Variants in SYT14 observed in about 807,000 individuals in gnomAD.
SYT14 encodes synaptotagmin 14, also known as synaptotagmin-14.
In SYT14, 32 loss-of-function variants were observed where a neutral mutation model predicts 74.2. The ratio of observed to expected loss-of-function variants is 0.43; its 90% CI spans 0.33 to 0.58. The LOEUF is 0.58. Ranked by LOEUF, SYT14 falls within the 20% of genes least tolerant of loss-of-function variation. The probability of loss-of-function intolerance (pLI) is 0.05; values close to 1 mark genes in which losing one functional copy is unlikely to be tolerated. For synonymous variants in SYT14, 298 were observed against 337.7 expected (o/e 0.88, Z 1.29); for missense variants, 791 against 981.8 (o/e 0.81, Z 2.60).
intron 8 of SYT14, chr1:210,156,763 G>C (rs1007303249): frequency 6.4e-6 from 1 of 157,460 alleles, no homozygotes; most frequent in African/African-American, 2.8e-5. Context: ...GCATGATCTC[G>C]GCTCACTGAA....
chr1:210,018,343 C>T (rs567968589), intron 4 of SYT14, among the ~76,000 whole-genome samples: 4 of 152,038 alleles, frequency 2.6e-5, no homozygotes, highest in East Asian at 2.0e-4. Context: ...CATGTTGGCC[C>T]GGGATGGTCT....
chr1:209,987,859 A>G (rs7514257), intron 2 of SYT14, among the ~76,000 whole-genome samples: 52,072 of 151,964 alleles, frequency 0.34, 9,892 homozygotes, highest in Non-Finnish European at 0.42. Context: ...TCTTTTGTAG[A>G]TAATGTGTAA....
At chr1:210,029,979 T>A (rs887391848) in intron 5 of SYT14, among the ~76,000 whole-genome samples, 5 of 152,206 alleles carry the variant, frequency 3.3e-5, no homozygotes, top group African/African-American at 1.2e-4. Flanking sequence ...AGTTTGTTCC[T>A]AAGTATTTTA....
At chr1:210,069,327 CTAAA>C (rs2081352668) in intron 5 of SYT14, among the ~76,000 whole-genome samples, 1 of 151,858 alleles carries the variant, frequency 6.6e-6, no homozygotes. Flanking sequence ...TGTATCTTTC[CTAAA>C]TATTCTTTCT....
chr1:209,977,826 A>G (rs2079397223), intron 2 of SYT14, among the ~76,000 whole-genome samples: 1 of 152,148 alleles, frequency 6.6e-6, no homozygotes, highest in African/African-American at 2.4e-5. Context: ...CATTCTCCCC[A>G]TCACTTTCAG....
rs2083493808 is a variant in SYT14 at position 210,169,228 on chromosome 1, T to TG, written c.*8186_*8187insG. On this transcript the variant is annotated 3_prime_UTR_variant, in exon 10 of 10. Transcript: ENST00000637265. ...GGTTTTTATGTTTTTGGTGTTTTTT[T>TG]TTTTTTTTTTTTTTTTTTTTTTTGT... 4.5e-5 allele frequency: 6 copies of TG among 134,754 alleles called. No individual in the cohort carries two copies. In the South Asian group the frequency reaches 1.6e-3, roughly 36 times the overall value. The allele number at this position is 134,754 out of a possible 1,614,324, so 8.3% of individuals were successfully genotyped here. A position where few individuals can be genotyped will look rare whatever the true frequency, so the allele number is the denominator to read the frequency against.
intron 5 of SYT14, among the ~76,000 whole-genome samples, chr1:210,083,533 T>G (rs891187451): frequency 1.3e-5 from 2 of 152,100 alleles, no homozygotes; most frequent in African/African-American, 4.8e-5. Flanking sequence ...TTTTAGTAGC[T>G]GCAGTTACAG....
chr1:210,071,117 T>C (rs1469102246), intron 5 of SYT14, among the ~76,000 whole-genome samples: 2 of 151,658 alleles, frequency 1.3e-5, no homozygotes, highest in East Asian at 3.9e-4. Context: ...TCATAATCTT[T>C]CCAAAACAAC....
At chr1:209,979,422 ACAG>A (rs1239098426) in intron 2 of SYT14, among the ~76,000 whole-genome samples, 13 of 151,770 alleles carry the variant, frequency 8.6e-5, no homozygotes, top group Non-Finnish European at 1.6e-4. Flanking sequence ...TTTCTTGAGG[ACAG>A]CAGACAAATG....
intron 7 of SYT14, among the ~76,000 whole-genome samples, chr1:210,106,786 A>AC (rs1370522688): frequency 3.3e-5 from 5 of 151,346 alleles, no homozygotes; most frequent in Non-Finnish European, 4.4e-5. Flanking sequence ...GCCCTTGGCC[A>AC]CCCCCGCAAA....
chr1:210,121,755 C>T (rs540986366), intron 7 of SYT14, among the ~76,000 whole-genome samples: 1 of 150,124 alleles, frequency 6.7e-6, no homozygotes, highest in African/African-American at 2.4e-5. Flanking sequence ...GATCGCACCA[C>T]TGCACTCTAG....
chr1:210,145,804 A>G (rs969218458), intron 7 of SYT14, among the ~76,000 whole-genome samples: 11 of 152,180 alleles, frequency 7.2e-5, no homozygotes, highest in African/African-American at 2.7e-4. Context: ...GCCTGCTGAA[A>G]TACTATTAGG....
At chr1:209,957,993 A>G (rs1175217575) in intron 2 of SYT14, among the ~76,000 whole-genome samples, 1 of 151,184 alleles carries the variant, frequency 6.6e-6, no homozygotes, top group Admixed American at 6.6e-5. Context: ...TGTTTTGGGG[A>G]AATCCTTCCT....
chr1:210,153,053 G>A (rs1039453132), intron 7 of SYT14, among the ~76,000 whole-genome samples: 14 of 152,096 alleles, frequency 9.2e-5, no homozygotes, highest in Non-Finnish European at 1.8e-4. Flanking sequence ...GATCCAATAT[G>A]AGTAATGCTG....
intron 7 of SYT14, among the ~76,000 whole-genome samples, chr1:210,129,844 A>G (rs914868241): frequency 2.0e-5 from 3 of 152,198 alleles, no homozygotes; most frequent in African/African-American, 4.8e-5. Context: ...AGAGTCTTCA[A>G]AGTAAAGATG....
intron 7 of SYT14, among the ~76,000 whole-genome samples, chr1:210,103,721 A>G (rs1442235829): frequency 6.6e-6 from 1 of 152,152 alleles, no homozygotes; most frequent in Non-Finnish European, 1.5e-5. Context: ...CAGGTTTCTC[A>G]TTAGTGAAAT....
At chr1:210,024,919 G>A (rs533023497) in intron 5 of SYT14, among the ~76,000 whole-genome samples, 1 of 150,956 alleles carries the variant, frequency 6.6e-6, no homozygotes, top group South Asian at 2.1e-4. Flanking sequence ...AAACCCCTTT[G>A]TCCAGTAGAA....
chr1:210,137,116 T>C (rs2082803274), intron 7 of SYT14, among the ~76,000 whole-genome samples: 1 of 152,150 alleles, frequency 6.6e-6, no homozygotes, highest in Non-Finnish European at 1.5e-5. Context: ...TCTGTCAGTG[T>C]TTGGGCAGAT....
intron 7 of SYT14, among the ~76,000 whole-genome samples, chr1:210,101,197 C>G (rs2082059669): frequency 6.6e-6 from 1 of 152,012 alleles, no homozygotes; most frequent in Non-Finnish European, 1.5e-5. Context: ...ATACATTATG[C>G]CACATAGTTA....
Sources: allele counts gnomAD v4.1 joint callset (sites outside exome capture counted in the v4.1 genomes callset), GRCh38; gene constraint gnomAD v4.1.1; transcripts MANE v1.5; gene names NCBI Gene and HGNC (gene_info 2026-07-23, HGNC 2026-07-21).